Variants in GNA13 observed in about 807,000 individuals in gnomAD.
GNA13 encodes the protein guanine nucleotide-binding protein subunit alpha-13.
Under a neutral mutation model 33.5 loss-of-function variants are expected in GNA13, and 4 were observed. The ratio of observed to expected loss-of-function variants is 0.12; its 90% CI spans 0.06 to 0.27. GNA13 has a LOEUF of 0.27. Among genes scored for constraint, GNA13 ranks in the 10% least tolerant of loss-of-function variants. GNA13 has a pLI of 1.00. For synonymous variants in GNA13, 176 were observed against 183.8 expected, an observed-to-expected ratio of 0.96 and a Z score of 0.34; for missense variants, 319 against 487.2, an observed-to-expected ratio of 0.65 and a Z score of 3.25.
rs531290046 is a variant in GNA13 at position 65,011,291 on chromosome 17, G to A, written c.*2966C>T. ...AGACTAACCAGAGGACCTTCTCTAT[G>A]CAAATTACATGCCAATACACCTTAA... On this transcript the variant is annotated 3_prime_UTR_variant, in exon 4 of 4. Coordinates refer to ENST00000439174, the MANE Select transcript of GNA13 (RefSeq NM_006572.6). The A allele has an allele frequency of 3.6e-4, 71 of 198,428 alleles. 2 individuals are homozygous for A. Among genetic ancestry groups the A allele is most frequent in the African/African-American group, 1.4e-3 (61 of 43,464 alleles). 12.3% of individuals were successfully genotyped at this position (198,428 alleles called of 1,614,324 possible). A position where few individuals can be genotyped will look rare whatever the true frequency, so the allele number is the denominator to read the frequency against.
intron 2 of GNA13, chr17:65,053,287 A>G: frequency 1.8e-6 from 1 of 554,044 alleles, no homozygotes; most frequent in Non-Finnish European, 3.2e-6. Flanking sequence ...ACCTTAAGAT[A>G]TGTAGCCTAA....
chr17:65,024,755 A>G (rs763938240), intron 2 of GNA13, among the ~76,000 whole-genome samples: 1 of 152,278 alleles, frequency 6.6e-6, no homozygotes, highest in African/African-American at 2.4e-5. Flanking sequence ...ATCTGGATAT[A>G]TATTTTACTC....
In GNA13 at chr17:65,056,324, G is replaced by A. The variant is rs1279679203; in HGVS notation, c.270C>T (p.Ser90=). 6.2e-7 allele frequency: 1 copy of A among 1,602,052 alleles called. No individual in the cohort carries two copies. The highest frequency in any genetic ancestry group is 8.5e-7 in the Non-Finnish European group (1 of 1,175,024). ...CCGGCCCGGCACCTTTGATCACGTT[G>A]CTGTAGATGGTGGGGCGGAACTCCT... is the stretch of plus-strand genomic sequence containing the variant. ...AREEFRPTIY[S]NVIKGMRVLV... The change falls in exon 1 of 4, where the codon AGC becomes AGT. Residue 90 remains serine, a synonymous_variant. Coordinates refer to ENST00000439174, the MANE Select transcript of GNA13 (RefSeq NM_006572.6).
At chr17:65,047,295 G>A (rs1239613402) in intron 2 of GNA13, among the ~76,000 whole-genome samples, 2 of 152,228 alleles carry the variant, frequency 1.3e-5, no homozygotes. Flanking sequence ...GGCTGAAGCA[G>A]GAGGATCACT....
At chr17:65,015,981 G>C (rs1906355850) in intron 3 of GNA13, among the ~76,000 whole-genome samples, 1 of 152,136 alleles carries the variant, frequency 6.6e-6, no homozygotes, top group Non-Finnish European at 1.5e-5. Context: ...TGGGAGGGAG[G>C]GTTGTTGCAA....
chr17:65,017,156 A>G (rs1385214153), intron 3 of GNA13, among the ~76,000 whole-genome samples: 3 of 152,244 alleles, frequency 2.0e-5, no homozygotes, highest in African/African-American at 7.2e-5. Flanking sequence ...TCTAGAAGGC[A>G]ATACCAATTT....
intron 2 of GNA13, among the ~76,000 whole-genome samples, chr17:65,024,300 A>AT (rs1164057344): frequency 6.6e-6 from 1 of 152,228 alleles, no homozygotes; most frequent in African/African-American, 2.4e-5. Context: ...GTGAAAATAT[A>AT]TTTTCAAGGA....
At chr17:65,056,239 G>GCCCGGGCCCCCCCCCCCCCCCCC in intron 1 of GNA13, 72 bp downstream of exon 1, 1 of 936,172 alleles carries the variant, frequency 1.1e-6, no homozygotes, top group Non-Finnish European at 1.6e-6. Context: ...CCAGGGCGGT[G>GCCCGGGCCCCCCCCCCCCCCCCC]CCCCGCCCCG....
chr17:65,014,498 T>G lies in GNA13; in HGVS notation c.893A>C (p.Glu298Ala), dbSNP rs1469426156. 9 of 1,613,798 alleles carry G rather than the reference T, an allele frequency of 5.6e-6. No individual in the cohort carries two copies. The South Asian group carries it at 8.8e-5, about 16-fold the overall frequency. The part of the protein sequence containing the change: ...LFLNKTDLLE[E>A]KVQIVSIKDY... The stretch of plus-strand genomic sequence containing the variant: ...TTTGATGCTCACAATTTGCACCTTC[T>G]CCTCAAGCAAGTCTGTCTTGTTTAA... Residue 298 changes from glutamate (E) to alanine (A), a missense_variant, in exon 4 of 4, where the codon GAG becomes GCG. Glu to Ala is a moderately radical substitution (Grantham distance 107). This residue lies in a region of GNA13 where 134 missense variants were observed against 241.3 expected (regional missense o/e 0.56). Coordinates refer to ENST00000439174, the MANE Select transcript of GNA13 (RefSeq NM_006572.6). The surrounding 1 kb of genome is among the most constrained non-coding windows in gnomAD (Gnocchi z 5.3).
At chr17:65,016,658 G>A (rs1277876659) in intron 3 of GNA13, among the ~76,000 whole-genome samples, 1 of 152,168 alleles carries the variant, frequency 6.6e-6, no homozygotes, top group Non-Finnish European at 1.5e-5. Context: ...CACTGCACCC[G>A]GCCAGAATTC....
intron 2 of GNA13, among the ~76,000 whole-genome samples, chr17:65,023,205 A>C (rs567364795): frequency 6.6e-6 from 1 of 152,362 alleles, no homozygotes; most frequent in African/African-American, 2.4e-5. Flanking sequence ...CAAACATGCA[A>C]AACCTGTGTA....
Position 65,011,605 on chromosome 17 carries a change from G to A in GNA13, c.*2652C>T, listed in dbSNP as rs576340676. 4.6e-6 allele frequency: 1 copy of A among 217,624 alleles called. No individual in the cohort carries two copies. The highest frequency in any genetic ancestry group is 5.8e-5 in the Admixed American group (1 of 17,270). The allele number at this position is 217,624 out of a possible 1,614,324, so 13.5% of individuals were successfully genotyped here. ...GTATATACATTTCTTCAAGGTCAAT[G>A]AAGACACTTGTGTGATATTTCCTCA... is the stretch of plus-strand genomic sequence containing the variant. On this transcript the variant is annotated 3_prime_UTR_variant, in exon 4 of 4. Coordinates refer to ENST00000439174, the MANE Select transcript of GNA13 (RefSeq NM_006572.6).
chr17:65,021,001 C>G (rs117239552), intron 2 of GNA13, among the ~76,000 whole-genome samples: 121 of 152,234 alleles, frequency 7.9e-4, no homozygotes, highest in Non-Finnish European at 1.5e-3. Context: ...ACAGTTAACA[C>G]TTTAAAAACT....
At chr17:65,048,345 A>T (rs1229157639) in intron 2 of GNA13, among the ~76,000 whole-genome samples, 1 of 151,650 alleles carries the variant, frequency 6.6e-6, no homozygotes, top group Non-Finnish European at 1.5e-5. Flanking sequence ...CATCTGAGTT[A>T]CCAAATTATC....
intron 2 of GNA13, among the ~76,000 whole-genome samples, chr17:65,021,015 G>T (rs1906562867): frequency 6.6e-6 from 1 of 152,162 alleles, no homozygotes; most frequent in Non-Finnish European, 1.5e-5. Context: ...AAAAACTTAA[G>T]ATTATTTTAT....
At chr17:65,029,628 T>C (rs1906928176) in intron 2 of GNA13, among the ~76,000 whole-genome samples, 1 of 149,628 alleles carries the variant, frequency 6.7e-6, no homozygotes, top group Non-Finnish European at 1.5e-5. Flanking sequence ...TTACGGTTTA[T>C]ACCACTCATG....
intron 2 of GNA13, among the ~76,000 whole-genome samples, chr17:65,021,970 T>C (rs1329714568): frequency 4.6e-5 from 7 of 152,220 alleles, no homozygotes; most frequent in Non-Finnish European, 7.3e-5. Context: ...ATTACTATTA[T>C]GGCAGAAGGA....
chr17:65,053,785 A>C, intron 1 of GNA13, 57 bp from the exon 2 acceptor site: 1 of 1,075,562 alleles, frequency 9.3e-7, no homozygotes, highest in Non-Finnish European at 1.4e-6. Flanking sequence ...ATATTATCAT[A>C]AGTTTTTATT....
At chr17:65,047,726 G>A (rs1035393118) in intron 2 of GNA13, among the ~76,000 whole-genome samples, 1 of 150,910 alleles carries the variant, frequency 6.6e-6, no homozygotes, top group Non-Finnish European at 1.5e-5. Context: ...TTGAACTCTT[G>A]AGGTCAAGCA....
Sources: gnomAD v4.1 joint callset for allele counts (sites outside exome capture counted in the v4.1 genomes callset) on GRCh38, gnomAD v4.1.1 for gene constraint, gnomAD v4.1.1 regional missense constraint, Gnocchi (gnomAD v3.1) non-coding constraint, MANE v1.5 for transcripts, NCBI Gene and HGNC (gene_info 2026-07-23, HGNC 2026-07-21) for gene names.